Variants in C8orf89 observed in about 807,000 individuals in gnomAD.
The protein encoded by C8orf89 is chromosome 8 open reading frame 89.
A neutral mutation model predicts 15.8 loss-of-function variants in C8orf89; 14 were observed. The ratio of observed to expected loss-of-function variants is 0.89; its 90% confidence interval spans 0.59 to 1.39. The LOEUF is 1.39. Ranked by LOEUF, C8orf89 falls within the 40% of genes most tolerant of loss-of-function variation. The pLI is 0.00. For synonymous variants in C8orf89, 55 were observed against 62.2 expected, an observed-to-expected ratio of 0.88 and a Z score of 0.54; for missense variants, 181 against 184.5, an observed-to-expected ratio of 0.98 and a Z score of 0.11.
chr8:73,280,292 C>T, the C8orf89 span, among the ~76,000 whole-genome samples: 18 of 152,314 alleles, frequency 1.2e-4, no homozygotes, highest in African/African-American at 4.1e-4. Context: ...AATGGGGACC[C>T]TTCCATGCCA....
chr8:73,277,995 C>T, the C8orf89 span: 14 of 602,348 alleles, frequency 2.3e-5, no homozygotes, highest in Middle Eastern at 2.9e-4. Context: ...GCTCTTGCAC[C>T]GAGGGACCAC....
At chr8:73,256,944 C>G (rs2130283824) in intron 2 of C8orf89, 29 bp downstream of exon 2, 1 of 1,494,728 alleles carries the variant, frequency 6.7e-7, no homozygotes, top group East Asian at 2.5e-5. Flanking sequence ...ACACATTCAA[C>G]AAATGAGAAT....
At chr8:73,279,743 C>G in the C8orf89 span, among the ~76,000 whole-genome samples, 1 of 152,202 alleles carries the variant, frequency 6.6e-6, no homozygotes, top group Admixed American at 6.5e-5. Flanking sequence ...ATTTCCAAAG[C>G]TAGGTCATAA....
At chr8:73,250,615 T>G (rs1813226224) in intron 2 of C8orf89, among the ~76,000 whole-genome samples, 1 of 152,224 alleles carries the variant, frequency 6.6e-6, no homozygotes, top group Non-Finnish European at 1.5e-5. Context: ...ACAGGCCATT[T>G]GGATACGTTG....
chr8:73,277,433 C>T, the C8orf89 span: 1 of 1,170,794 alleles, frequency 8.5e-7, no homozygotes, highest in Non-Finnish European at 1.2e-6. Context: ...AGTAGGTTTA[C>T]TTTGTCTCCA....
At chr8:73,260,504 GT>G (rs534804802), upstream of C8orf89, among the ~76,000 whole-genome samples, 213 of 152,236 alleles carry the variant, frequency 1.4e-3, 1 homozygote, top group African/African-American at 4.9e-3. Context: ...CCTGCACGTT[GT>G]GCACATGTAC....
intron 2 of C8orf89, among the ~76,000 whole-genome samples, chr8:73,253,225 G>A (rs530227387): frequency 1.3e-5 from 2 of 152,340 alleles, no homozygotes; most frequent in African/African-American, 4.8e-5. Context: ...AGTAGAATGT[G>A]AGACTATCTT....
intron 2 of C8orf89, among the ~76,000 whole-genome samples, chr8:73,256,553 C>T (rs1231320876): frequency 1.3e-5 from 2 of 151,858 alleles, no homozygotes; most frequent in East Asian, 1.9e-4. Flanking sequence ...CTTGGTGAAA[C>T]TCCGTCTCTA....
At chr8:73,251,409 G>C (rs1333807804) in intron 2 of C8orf89, among the ~76,000 whole-genome samples, 1 of 152,202 alleles carries the variant, frequency 6.6e-6, no homozygotes, top group African/African-American at 2.4e-5. Context: ...AATTTGACAT[G>C]TTCTCACTAC....
upstream of C8orf89, among the ~76,000 whole-genome samples, chr8:73,263,762 T>C (rs1212545716): frequency 6.6e-6 from 1 of 152,156 alleles, no homozygotes; most frequent in Non-Finnish European, 1.5e-5. Flanking sequence ...AATAGGTAAG[T>C]AAATGAATGA....
chr8:73,285,697 G>A, the C8orf89 span, among the ~76,000 whole-genome samples: 1 of 152,226 alleles, frequency 6.6e-6, no homozygotes, highest in South Asian at 2.1e-4. Flanking sequence ...CAGCAGGGGT[G>A]GCTGGGGCAG....
chr8:73,282,429 G>A, the C8orf89 span, among the ~76,000 whole-genome samples: 5 of 152,110 alleles, frequency 3.3e-5, no homozygotes, highest in South Asian at 2.1e-4. Flanking sequence ...AGATTTAGAC[G>A]GCAGAAATGT....
At chr8:73,266,079 AAT>A in the C8orf89 span, among the ~76,000 whole-genome samples, 2 of 152,238 alleles carry the variant, frequency 1.3e-5, no homozygotes, top group Non-Finnish European at 2.9e-5. Flanking sequence ...CACAGTCTAA[AAT>A]TTGAATTTCA....
At chr8:73,249,667 C>A (rs1205224118) in intron 3 of C8orf89, among the ~76,000 whole-genome samples, 2 of 152,060 alleles carry the variant, frequency 1.3e-5, no homozygotes, top group Non-Finnish European at 2.9e-5. Flanking sequence ...GGACAAATGG[C>A]AAATAAAATA....
the C8orf89 span, chr8:73,278,088 G>A: frequency 2.6e-6 from 1 of 388,910 alleles, no homozygotes; most frequent in South Asian, 2.6e-5. Flanking sequence ...TCCTTGGGGT[G>A]TGTGTCTGCC....
the C8orf89 span, among the ~76,000 whole-genome samples, chr8:73,267,612 T>C: frequency 6.6e-6 from 1 of 152,232 alleles, no homozygotes; most frequent in Non-Finnish European, 1.5e-5. Flanking sequence ...TTATAAAATA[T>C]TACCATTTTG....
At chr8:73,264,674 A>G in the C8orf89 span, among the ~76,000 whole-genome samples, 1 of 152,080 alleles carries the variant, frequency 6.6e-6, no homozygotes, top group Admixed American at 6.5e-5. Flanking sequence ...TATTTTTGGT[A>G]GAGACAGTGT....
chr8:73,264,481 C>T (rs1408783325), upstream of C8orf89, among the ~76,000 whole-genome samples: 5 of 152,066 alleles, frequency 3.3e-5, no homozygotes, highest in African/African-American at 1.2e-4. Flanking sequence ...TAAGGAAGGT[C>T]TCATTGACAA....
chr8:73,257,263 C>A, intron 1 of C8orf89, 137 bp from the exon 2 acceptor site: 2 of 586,206 alleles, frequency 3.4e-6, no homozygotes, highest in South Asian at 2.6e-5. Context: ...GCATCTTTCC[C>A]AAGAGAATGG....
Sources: allele counts gnomAD v4.1 joint callset (sites outside exome capture counted in the v4.1 genomes callset), GRCh38; gene constraint gnomAD v4.1.1; transcripts MANE v1.5; gene names NCBI Gene and HGNC (gene_info 2026-07-23, HGNC 2026-07-21).